TRIOBP: variants seen among roughly 807,000 people sequenced by gnomAD.
The protein encoded by TRIOBP is TRIO and F-actin binding protein, also known as TRIO and F-actin-binding protein.
Under a neutral mutation model 238.8 loss-of-function variants are expected in TRIOBP, and 169 were observed. That is an observed-to-expected ratio of 0.71 (90% CI 0.62 to 0.80). The LOEUF (loss-of-function observed/expected upper bound fraction) is 0.80, where lower values mean the gene tolerates loss of function less well. Among genes scored for constraint, TRIOBP ranks in the 30% least tolerant of loss-of-function variants. The probability of loss-of-function intolerance (pLI) is 0.00; values close to 1 mark genes in which losing one functional copy is unlikely to be tolerated. For synonymous variants in TRIOBP, 1,150 were observed against 1,274.4 expected (o/e 0.90, Z 2.08); for missense variants, 2,838 against 3,122.6 (o/e 0.91, Z 2.17).
chr22:37,724,466 C>T lies in TRIOBP; in HGVS notation c.1910C>T (p.Ser637Phe), dbSNP rs757415757. ...SCAQRDNPRA[S>F]SPNRTTQQDS... The stretch of plus-strand genomic sequence containing the variant: ...GCCCAGCGGGACAATCCCAGAGCCT[C>T]CTCTCCCAACAGAACCACCCAACAA... Residue 637 changes from serine (S) to phenylalanine (F), a missense_variant, in exon 7 of 24, where the codon TCC becomes TTC. Ser to Phe is a radical substitution (Grantham distance 155). Coordinates refer to ENST00000644935, the MANE Select transcript of TRIOBP (RefSeq NM_001039141.3). The T allele has an allele frequency of 6.2e-7, 1 of 1,612,802 alleles. No homozygotes were observed. Among genetic ancestry groups the T allele is most frequent in the Non-Finnish European group, 8.5e-7 (1 of 1,179,422 alleles).
chr22:37,762,171 A>T (rs1270150503), intron 17 of TRIOBP, among the ~76,000 whole-genome samples: 1 of 152,144 alleles, frequency 6.6e-6, no homozygotes, highest in East Asian at 1.9e-4. Flanking sequence ...GGGCTCAAGC[A>T]GTCTTCCCAC....
In TRIOBP at chr22:37,713,208, AG is replaced by A; in HGVS notation, c.257del. The stretch of plus-strand genomic sequence containing the variant: ...ACTTTTTGGGTCTGTCTCCTCTCCC[AG>A]GGGCCCATCCCCCTCAGCAGGGCTC... On this transcript the variant is annotated splice_acceptor_variant, in intron 4 of 23. Transcript: ENST00000644935. LOFTEE classifies it high-confidence loss of function. 1.2e-6 allele frequency: 2 copies of A among 1,612,878 alleles called. No homozygotes were observed. The highest frequency in any genetic ancestry group is 1.7e-6 in the Non-Finnish European group (2 of 1,179,576).
chr22:37,718,228 C>T (rs1392212670), intron 6 of TRIOBP, among the ~76,000 whole-genome samples: 1 of 152,226 alleles, frequency 6.6e-6, no homozygotes, highest in East Asian at 1.9e-4. Flanking sequence ...TCTCCCTCCA[C>T]ACCTCCGTGC....
intron 4 of TRIOBP, 55 bp downstream of exon 4, chr22:37,710,621 CT>C: frequency 1.3e-6 from 2 of 1,571,644 alleles, no homozygotes; most frequent in Non-Finnish European, 8.6e-7. Flanking sequence ...TGCCCTCACC[CT>C]TCCCATTTGC....
At chr22:37,761,456 A>G (rs537829995) in intron 17 of TRIOBP, among the ~76,000 whole-genome samples, 17 of 152,192 alleles carry the variant, frequency 1.1e-4, no homozygotes, top group Non-Finnish European at 2.1e-4. Flanking sequence ...AAAAACAGCA[A>G]CAAAAAACAA....
At chr22:37,722,193 T>C (rs1330771226) in intron 6 of TRIOBP, among the ~76,000 whole-genome samples, 3 of 61,952 alleles carry the variant, frequency 4.8e-5, no homozygotes, top group African/African-American at 9.3e-5. Flanking sequence ...GGTAGGAACA[T>C]TTGGATACAA....
chr22:37,758,169 C>G, intron 16 of TRIOBP, 31 bp downstream of exon 16: 7 of 1,609,348 alleles, frequency 4.3e-6, no homozygotes, highest in Non-Finnish European at 5.9e-6. Flanking sequence ...TCTAGGAGGC[C>G]CCTTGCCCCA....
At chr22:37,768,197 A>C in intron 19 of TRIOBP, 21 bp downstream of exon 19, 1 of 1,592,402 alleles carries the variant, frequency 6.3e-7, no homozygotes, top group East Asian at 2.3e-5. Flanking sequence ...GCCGGGGCCC[A>C]ACTGCCCACC....
At chr22:37,771,994 A>G (rs1926800641) in intron 22 of TRIOBP, 4 of 557,734 alleles carry the variant, frequency 7.2e-6, no homozygotes, top group East Asian at 3.7e-5. Context: ...ATTATTGAGC[A>G]CCTACTATAT....
In TRIOBP at chr22:37,764,774, T is replaced by C. The variant is rs145052822; in HGVS notation, c.6325-896T>C. 2.2e-3 allele frequency among the ~76,000 whole-genome samples: 329 copies of C among 152,284 alleles called. 2 individuals are homozygous for C. Among genetic ancestry groups the C allele is most frequent in the African/African-American group, 7.7e-3 (318 of 41,560 alleles). On this transcript the variant is annotated intron_variant, in intron 17 of 23. Coordinates refer to ENST00000644935, the MANE Select transcript of TRIOBP (RefSeq NM_001039141.3). Reference sequence around the variant, plus strand: ...GCATTATTTTGTATTACATCATCAGTTTCAGCTCATTTACTGAGCACCTGC... The same window carrying C: ...GCATTATTTTGTATTACATCATCAGCTTCAGCTCATTTACTGAGCACCTGC...
Position 37,743,426 on chromosome 22 carries a change from C to G in TRIOBP, c.5322+2394C>G, listed in dbSNP as rs543314049. Among the ~76,000 whole-genome samples, 65 of 152,302 alleles carry G rather than the reference C, an allele frequency of 4.3e-4. 1 individual carries two copies. Among genetic ancestry groups the G allele is most frequent in the Middle Eastern group, 3.4e-3 (1 of 294 alleles). On this transcript the variant is annotated intron_variant, in intron 11 of 23. Transcript: ENST00000644935. ...TCTTTGCCAGTTTAATAACTCACCC[C>G]TGGGTCCCTGAGGCTGTGCTGTCTC...
At chr22:37,710,363 G>T in intron 3 of TRIOBP, 64 bp from the exon 4 acceptor site, 1 of 1,605,076 alleles carries the variant, frequency 6.2e-7, no homozygotes, top group Non-Finnish European at 8.5e-7. Flanking sequence ...GGGAGGGGCT[G>T]TGCAGGGGGA....
intron 11 of TRIOBP, among the ~76,000 whole-genome samples, chr22:37,742,946 G>T (rs942703035): frequency 1.3e-5 from 2 of 152,134 alleles, no homozygotes. Context: ...CTTGCTCCAG[G>T]TCACACAGGG....
At chr22:37,726,860 T>G (rs1018758670) in intron 7 of TRIOBP, among the ~76,000 whole-genome samples, 2 of 152,178 alleles carry the variant, frequency 1.3e-5, no homozygotes, top group Non-Finnish European at 2.9e-5. Context: ...GAGGGGAACA[T>G]GAGCACATTC....
rs948727626 is a variant in TRIOBP at position 37,759,166 on chromosome 22, C to T, written c.6226C>T (p.Arg2076Trp). ...EALEKEVQAL[R>W]AQLEAWRLQG... ...TTCTCCCTCGTAGGTTCAGGCTCTT[C>T]GGGCCCAGCTGGAGGCGTGGCGTCT... is the stretch of plus-strand genomic sequence containing the variant. Residue 2076 changes from arginine to tryptophan, a missense_variant, in exon 17 of 24, where the codon CGG becomes TGG. By Grantham distance (101) the Arg-to-Trp change is moderately radical. Transcript: ENST00000644935. 12 of 1,611,968 alleles carry T rather than the reference C, an allele frequency of 7.4e-6. No homozygotes were observed. Among genetic ancestry groups the T allele is most frequent in the African/African-American group, 4.0e-5 (3 of 74,886 alleles).
rs187444780 is a variant in TRIOBP, at chr22:37,706,926, A to G, written c.115-3501A>G. ...TCTCCGAGCCAGGCCCTGGGACCCAACTCTGGGCAGGTAGCAGCTCCCTGT... is the reference window on the plus strand; with the variant it reads ...TCTCCGAGCCAGGCCCTGGGACCCAGCTCTGGGCAGGTAGCAGCTCCCTGT... On this transcript the variant is annotated intron_variant, in intron 3 of 23. Coordinates refer to ENST00000644935, the MANE Select transcript of TRIOBP (RefSeq NM_001039141.3). 4.1e-3 allele frequency among the ~76,000 whole-genome samples: 617 copies of G among 152,148 alleles called. 1 individual carries two copies. Among genetic ancestry groups the G allele is most frequent in the Non-Finnish European group, 6.4e-3 (436 of 68,018 alleles).
chr22:37,746,238 A>C (rs1056724643), intron 11 of TRIOBP: 10 of 937,054 alleles, frequency 1.1e-5, no homozygotes, highest in African/African-American at 8.0e-5. Flanking sequence ...AAAAAGTTTT[A>C]TGGGCGGATG....
Position 37,757,855 on chromosome 22 carries a change from G to A in TRIOBP, c.5930G>A (p.Arg1977Gln), listed in dbSNP as rs199681317. 1.2e-5 allele frequency: 19 copies of A among 1,551,980 alleles called. No homozygotes were observed. In the Admixed American group the frequency reaches 2.9e-4, roughly 24 times the overall value. ...DRLAKQEELE[R>Q]DLAQRSEERR... The stretch of plus-strand genomic sequence containing the variant: ...CTGGCCAAGCAGGAGGAGCTGGAGC[G>A]GGACCTGGCCCAGCGCTCCGAGGAG... Residue 1977 changes from arginine to glutamine, a missense_variant, in exon 16 of 24, where the codon CGG becomes CAG. Arg to Gln is a conservative substitution (Grantham distance 43). Coordinates refer to ENST00000644935, the MANE Select transcript of TRIOBP (RefSeq NM_001039141.3).
chr22:37,768,192 G>A lies in TRIOBP; in HGVS notation c.6575+16G>A, dbSNP rs1191943062. The A allele has an allele frequency of 1.9e-6, 3 of 1,599,006 alleles. No homozygotes were observed. In the African/African-American group the frequency reaches 4.0e-5, roughly 21 times the overall value. On this transcript the variant is annotated intron_variant, in intron 19 of 23. Coordinates refer to ENST00000644935, the MANE Select transcript of TRIOBP (RefSeq NM_001039141.3). The stretch of plus-strand genomic sequence containing the variant: ...AGCAGCACCAGTAAGATGATGCCGG[G>A]GCCCAACTGCCCACCCTGATGGTTA...
Sources: gnomAD v4.1 joint callset for allele counts (sites outside exome capture counted in the v4.1 genomes callset) on GRCh38, gnomAD v4.1.1 for gene constraint, MANE v1.5 for transcripts, NCBI Gene and HGNC (gene_info 2026-07-23, HGNC 2026-07-21) for gene names.